Variants in DDX60L observed in about 807,000 individuals in gnomAD.
The protein encoded by DDX60L is probable ATP-dependent RNA helicase DDX60-like.
Under a neutral mutation model 211.6 loss-of-function variants are expected in DDX60L, and 191 were observed. The observed-to-expected ratio is 0.90, with a 90% CI of 0.80 to 1.02. DDX60L has a LOEUF of 1.02. Ranked by LOEUF, DDX60L falls within the 50% of genes least tolerant of loss-of-function variation. The pLI is 0.00. For missense variants in DDX60L, 2,007 were observed against 1,984.1 expected (o/e 1.01, Z -0.22); for synonymous variants, 706 against 694.1 (o/e 1.02, Z -0.27).
intron 4 of DDX60L, among the ~76,000 whole-genome samples, chr4:168,466,991 G>C (rs934377511): frequency 6.6e-6 from 1 of 152,100 alleles, no homozygotes; most frequent in Non-Finnish European, 1.5e-5. Context: ...AATACGTGTT[G>C]CTTTTGCAGT....
At chr4:168,477,129 A>C (rs1167066215) in intron 1 of DDX60L, among the ~76,000 whole-genome samples, 4 of 152,186 alleles carry the variant, frequency 2.6e-5, no homozygotes, top group Non-Finnish European at 5.9e-5. Flanking sequence ...CAAAAGTGAA[A>C]TCTTGGCTGG....
At chr4:168,366,183 G>T (rs1263747853) in intron 36 of DDX60L, among the ~76,000 whole-genome samples, 1 of 152,000 alleles carries the variant, frequency 6.6e-6, no homozygotes, top group East Asian at 1.9e-4. Context: ...ATCCAAATCG[G>T]AAAGGAAAAA....
At chr4:168,422,417 A>G in intron 16 of DDX60L, 107 bp downstream of exon 16, 1 of 1,059,546 alleles carries the variant, frequency 9.4e-7, no homozygotes, top group Non-Finnish European at 1.3e-6. Context: ...GAGGAAAGAC[A>G]TTAAACAAGA....
intron 28 of DDX60L, among the ~76,000 whole-genome samples, chr4:168,392,617 G>C (rs1227634052): frequency 6.6e-6 from 1 of 152,150 alleles, no homozygotes; most frequent in African/African-American, 2.4e-5. Context: ...GCCAAGGCAG[G>C]CCGATCACCT....
intron 1 of DDX60L, among the ~76,000 whole-genome samples, chr4:168,477,165 C>T (rs1759631481): frequency 6.6e-6 from 1 of 152,166 alleles, no homozygotes; most frequent in African/African-American, 2.4e-5. Flanking sequence ...TCTGTAATCC[C>T]AGCACTTTGG....
rs767729334 is a variant in DDX60L at position 168,461,916 on chromosome 4, T to A, written c.389A>T (p.Asp130Val). The A allele has an allele frequency of 6.2e-7, 1 of 1,612,272 alleles. No homozygotes were observed. The highest frequency in any genetic ancestry group is 1.7e-5 in the Admixed American group (1 of 59,812). Residue 130 changes from aspartate to valine, a missense_variant, in exon 5 of 38, where the codon GAT becomes GTT. By Grantham distance (152) the Asp-to-Val change is radical (BLOSUM62 -3). Coordinates refer to ENST00000682922, the MANE Select transcript of DDX60L (RefSeq NM_001012967.3). The part of the protein sequence containing the change: ...QTEFSGCLSQ[D>V]WKLFLEQHYP... Reference sequence around the variant, plus strand: ...ATGCTGTTCCAAGAATAACTTCCAATCTTGTGATAAGCATCCAGAAAACTC... The same window carrying A: ...ATGCTGTTCCAAGAATAACTTCCAAACTTGTGATAAGCATCCAGAAAACTC...
At chr4:168,437,778 A>G (rs1037573478) in intron 10 of DDX60L, among the ~76,000 whole-genome samples, 3 of 152,174 alleles carry the variant, frequency 2.0e-5, no homozygotes, top group African/African-American at 7.2e-5. Context: ...GCTTGCTCTG[A>G]TAACCTGACT....
chr4:168,461,949 A>G lies in DDX60L; in HGVS notation c.356T>C (p.Val119Ala). 8.7e-6 allele frequency: 14 copies of G among 1,613,388 alleles called. No individual in the cohort carries two copies. The highest frequency in any genetic ancestry group is 1.2e-5 in the Non-Finnish European group (14 of 1,179,636). Residue 119 changes from valine (V) to alanine (A), a missense_variant, in exon 5 of 38, where the codon GTG becomes GCG. Coordinates refer to ENST00000682922, the MANE Select transcript of DDX60L (RefSeq NM_001012967.3). ...TAAGCATCCAGAAAACTCCGTTTGCACATCAATGTTAGTATTGTGTTGAAG... is the reference window on the plus strand; with the variant it reads ...TAAGCATCCAGAAAACTCCGTTTGCGCATCAATGTTAGTATTGTGTTGAAG... Reference protein sequence around the residue: ...LHLQHNTNIDVQTEFSGCLSQ... With the variant: ...LHLQHNTNIDAQTEFSGCLSQ...
At chr4:168,472,656 G>T (rs772472691) in intron 2 of DDX60L, 40 bp downstream of exon 2, 1 of 1,610,924 alleles carries the variant, frequency 6.2e-7, no homozygotes, top group African/African-American at 1.3e-5. Context: ...TTACAAGATT[G>T]TTGCTTTATA....
chr4:168,459,017 G>A (rs1019990296), intron 5 of DDX60L, among the ~76,000 whole-genome samples: 1 of 152,096 alleles, frequency 6.6e-6, no homozygotes, highest in African/African-American at 2.4e-5. Context: ...GAAACTTAGA[G>A]AAGGTAGTAT....
chr4:168,471,908 C>T lies in DDX60L; in HGVS notation c.103G>A (p.Glu35Lys), dbSNP rs766982831. ...GYSSILNDFV[E>K]SNFFVIDGDS... ...CCATCAATCACAAAAAAATTAGATT[C>T]CACAAAATCATTTAATATGCTGGAA... The change falls in exon 4 of 38, where the codon GAA becomes AAA. Residue 35 changes from glutamate (E) to lysine (K), a missense_variant. Transcript: ENST00000682922. 3.1e-6 allele frequency: 5 copies of T among 1,607,642 alleles called. No homozygotes were observed. In the South Asian group the frequency reaches 5.6e-5, roughly 18 times the overall value.
chr4:168,388,132 A>G (rs1040292651), intron 29 of DDX60L, among the ~76,000 whole-genome samples: 3 of 152,218 alleles, frequency 2.0e-5, no homozygotes, highest in Admixed American at 2.0e-4. Flanking sequence ...CAAATTCCTT[A>G]ATGGAATTTA....
In DDX60L at chr4:168,371,742, C is replaced by T. The variant is rs1560933056; in HGVS notation, c.4798G>A (p.Val1600Ile). Residue 1600 changes from valine to isoleucine, a missense_variant, in exon 36 of 38, where the codon GTT becomes ATT. Physicochemically the swap from Val to Ile is conservative, Grantham distance 29 (BLOSUM62 3). Transcript: ENST00000682922. ...AGCAGAGGAGCCTGAGTGCCACTAA[C>T]ACCGACTGTGCGCAGGATGACCTGA... Reference protein sequence around the residue: ...INQVILRTVGVSGTQAPLLWP... With the variant: ...INQVILRTVGISGTQAPLLWP... 6 of 1,606,034 alleles carry T rather than the reference C, an allele frequency of 3.7e-6. No homozygotes were observed. Among genetic ancestry groups the T allele is most frequent in the Non-Finnish European group, 4.3e-6 (5 of 1,174,246 alleles).
chr4:168,361,154 A>AGCCT lies in DDX60L; in HGVS notation c.4982_4985dup (p.Ile1663GlyfsTer4), dbSNP rs1192273292. ...AAACTCAGCATGAAACATACCTGAT[A>AGCCT]GCCTGAATGTTGAATGCAAAATCTT... On this transcript the variant is annotated frameshift_variant, in exon 37 of 38. Transcript: ENST00000682922. LOFTEE classifies it low-confidence loss of function (END_TRUNC). 1 of 1,604,892 alleles carries AGCCT rather than the reference A, an allele frequency of 6.2e-7. No individual in the cohort carries two copies. Among genetic ancestry groups the AGCCT allele is most frequent in the Admixed American group, 1.7e-5 (1 of 59,586 alleles).
rs1341031383 is a variant in DDX60L, at chr4:168,441,495, G to A, written c.1139-3C>T. ...ATCTCCCAAATTCAAATGTGGTTCTGCATAACAATAAAAAATATTAAAATC... is the reference window on the plus strand; with the variant it reads ...ATCTCCCAAATTCAAATGTGGTTCTACATAACAATAAAAAATATTAAAATC... On this transcript the variant is annotated splice_region_variant and splice_polypyrimidine_tract_variant and intron_variant, in intron 9 of 37. Transcript: ENST00000682922. 2 of 1,581,440 alleles carry A rather than the reference G, an allele frequency of 1.3e-6. No homozygotes were observed. The highest frequency in any genetic ancestry group is 1.2e-5 in the South Asian group (1 of 86,014).
At chr4:168,480,074 C>G (rs1760226003) in intron 1 of DDX60L, 1 of 152,222 alleles carries the variant, frequency 6.6e-6, no homozygotes, top group Non-Finnish European at 1.5e-5. Context: ...TGGCTGTGCT[C>G]AGATGTGGTG....
At chr4:168,365,077 A>G (rs970679229) in intron 36 of DDX60L, among the ~76,000 whole-genome samples, 1 of 152,170 alleles carries the variant, frequency 6.6e-6, no homozygotes, top group Non-Finnish European at 1.5e-5. Flanking sequence ...TCAAAAAAGA[A>G]GAAACATTTT....
At position 168,392,840 on chromosome 4, in the gene DDX60L, C is replaced by CAA. The variant is rs60915238; in HGVS notation, c.3811-1198_3811-1197dup. On this transcript the variant is annotated intron_variant, in intron 28 of 37. Coordinates refer to ENST00000682922, the MANE Select transcript of DDX60L (RefSeq NM_001012967.3). ...GGGCAACAAGAGTGAAACTCTGTCT[C>CAA]AAAAAAAAAAAAAAAAAAAAGTGTT... 2.3e-3 allele frequency among the ~76,000 whole-genome samples: 294 copies of CAA among 126,586 alleles called. 5 individuals are homozygous for CAA. The highest frequency in any genetic ancestry group is 4.8e-3 in the African/African-American group (154 of 32,302). The allele number at this position is 126,586 out of a possible 152,430, so 83.0% of individuals were successfully genotyped here. A position where few individuals can be genotyped will look rare whatever the true frequency, so the allele number is the denominator to read the frequency against.
chr4:168,365,035 T>A (rs1256722572), intron 36 of DDX60L, among the ~76,000 whole-genome samples: 1 of 152,154 alleles, frequency 6.6e-6, no homozygotes, highest in Non-Finnish European at 1.5e-5. Flanking sequence ...AAAGCAGTTT[T>A]AAAATGGAAT....
Sources: gnomAD v4.1 joint callset for allele counts (sites outside exome capture counted in the v4.1 genomes callset) on GRCh38, gnomAD v4.1.1 for gene constraint, MANE v1.5 for transcripts, NCBI Gene and HGNC (gene_info 2026-07-23, HGNC 2026-07-21) for gene names.